Variants in DPYD observed in about 807,000 individuals in gnomAD.
DPYD encodes the protein dihydropyrimidine dehydrogenase [NADP(+)].
In DPYD, 109 loss-of-function variants were observed where a neutral mutation model predicts 116.2. The ratio of observed to expected loss-of-function variants is 0.94; its 90% CI spans 0.80 to 1.10. The LOEUF is 1.10. DPYD is among the 50% of genes least tolerant of loss of function. The pLI, the probability that DPYD is intolerant of heterozygous loss-of-function variation, is 0.00. For synonymous variants in DPYD, 440 were observed against 432.0 expected (o/e 1.02, Z -0.23); for missense variants, 1,302 against 1,254.5 (o/e 1.04, Z -0.57).
chr1:97,536,424 T>C (rs1650003194), intron 12 of DPYD, among the ~76,000 whole-genome samples: 1 of 152,196 alleles, frequency 6.6e-6, no homozygotes, highest in Non-Finnish European at 1.5e-5. Context: ...TTTCAGTAAG[T>C]CTCAAGATTT....
intron 18 of DPYD, among the ~76,000 whole-genome samples, chr1:97,291,387 C>T (rs1175308655): frequency 5.9e-5 from 9 of 151,782 alleles, no homozygotes; most frequent in East Asian, 3.9e-4. Flanking sequence ...CACATGCACA[C>T]GTATGTTTAT....
At chr1:97,879,000 A>G (rs1166843834) in intron 2 of DPYD, among the ~76,000 whole-genome samples, 1 of 152,008 alleles carries the variant, frequency 6.6e-6, no homozygotes, top group African/African-American at 2.4e-5. Context: ...GTCTACAAGG[A>G]AAATAAGTCA....
intron 13 of DPYD, among the ~76,000 whole-genome samples, chr1:97,497,529 C>T (rs2786775): frequency 6.6e-6 from 1 of 151,648 alleles, no homozygotes; most frequent in Non-Finnish European, 1.5e-5. Context: ...CCAGTTGCCA[C>T]AATGATTGTT....
At chr1:97,729,161 C>T (rs962988796) in intron 4 of DPYD, among the ~76,000 whole-genome samples, 1 of 151,952 alleles carries the variant, frequency 6.6e-6, no homozygotes, top group African/African-American at 2.4e-5. Context: ...TTTTATTGAT[C>T]CTGAGATATT....
At chr1:97,570,679 G>T (rs1395755929) in intron 11 of DPYD, among the ~76,000 whole-genome samples, 1 of 151,676 alleles carries the variant, frequency 6.6e-6, no homozygotes, top group African/African-American at 2.4e-5. Flanking sequence ...TAGTGAATTT[G>T]AGAAAAGATC....
At chr1:97,295,107 C>A (rs1666440448) in intron 18 of DPYD, among the ~76,000 whole-genome samples, 1 of 152,068 alleles carries the variant, frequency 6.6e-6, no homozygotes, top group Admixed American at 6.6e-5. Context: ...TATGACATAT[C>A]CTGGTTATGT....
chr1:97,345,995 T>C (rs1669821334), intron 16 of DPYD, among the ~76,000 whole-genome samples: 1 of 151,924 alleles, frequency 6.6e-6, no homozygotes. Context: ...TTATAATACA[T>C]ATATTAGGTA....
At chr1:97,800,816 T>A (rs1343185514) in intron 3 of DPYD, among the ~76,000 whole-genome samples, 1 of 151,832 alleles carries the variant, frequency 6.6e-6, no homozygotes, top group Non-Finnish European at 1.5e-5. Flanking sequence ...TTCTGTAGAG[T>A]CAAATGCTTT....
intron 13 of DPYD, among the ~76,000 whole-genome samples, chr1:97,471,547 G>A (rs988244902): frequency 1.3e-5 from 2 of 150,742 alleles, no homozygotes; most frequent in African/African-American, 2.4e-5. Context: ...AGACAGAAAT[G>A]AGTATTTTCA....
At chr1:97,476,837 TCA>T (rs1300471513) in intron 13 of DPYD, among the ~76,000 whole-genome samples, 1 of 152,178 alleles carries the variant, frequency 6.6e-6, no homozygotes, top group Non-Finnish European at 1.5e-5. Flanking sequence ...ATAAAGTGAA[TCA>T]CACAATTATT....
chr1:97,880,275 T>C (rs773823295), intron 2 of DPYD, among the ~76,000 whole-genome samples: 5 of 151,690 alleles, frequency 3.3e-5, no homozygotes, highest in Non-Finnish European at 5.9e-5. Context: ...GAGATGTCAG[T>C]GAGGTAAGAA....
chr1:97,853,569 TGAA>T (rs1670670535), intron 2 of DPYD, among the ~76,000 whole-genome samples: 1 of 152,238 alleles, frequency 6.6e-6, no homozygotes, highest in African/African-American at 2.4e-5. Context: ...ATTACCCAAA[TGAA>T]GATTTTCAGT....
intron 20 of DPYD, among the ~76,000 whole-genome samples, chr1:97,126,615 C>T (rs906238542): frequency 1.3e-5 from 2 of 152,178 alleles, no homozygotes; most frequent in Non-Finnish European, 2.9e-5. Flanking sequence ...ACTTCTATCA[C>T]ATCTGAGATT....
intron 16 of DPYD, among the ~76,000 whole-genome samples, chr1:97,367,917 G>A (rs1178534480): frequency 6.6e-6 from 1 of 152,072 alleles, no homozygotes; most frequent in Non-Finnish European, 1.5e-5. Context: ...ATGTGAGTAT[G>A]CACTGGGTTT....
In DPYD at chr1:97,899,341, G is replaced by C. The variant is rs74699330; in HGVS notation, c.40-15967C>G. ...CTTCACATGTTGTCACACATCATTT[G>C]CTGGAAGAATTAAATGTGTGCCATG... On this transcript the variant is annotated intron_variant, in intron 1 of 22. Transcript: ENST00000370192. 5.9e-3 allele frequency among the ~76,000 whole-genome samples: 899 copies of C among 151,958 alleles called. 3 individuals are homozygous for C. The highest frequency in any genetic ancestry group is 8.5e-3 in the Non-Finnish European group (575 of 67,880).
chr1:97,114,963 T>C (rs1470969789), intron 20 of DPYD, among the ~76,000 whole-genome samples: 2 of 152,218 alleles, frequency 1.3e-5, no homozygotes, highest in African/African-American at 2.4e-5. Context: ...TCTGATCGCA[T>C]AGGATTTACT....
At position 97,216,263 on chromosome 1, in the gene DPYD, C is replaced by T. The variant is rs549656088; in HGVS notation, c.2442+18589G>A. Among the ~76,000 whole-genome samples, 10 of 148,504 alleles carry T rather than the reference C, an allele frequency of 6.7e-5. No individual in the cohort carries two copies. The East Asian group carries it at 1.8e-3, about 27-fold the overall frequency. ...AAACCACATATATGATGCACAGATA[C>T]ATAGTTTGAGAGAGCCAAGCTTTCG... On this transcript the variant is annotated intron_variant, in intron 19 of 22. Coordinates refer to ENST00000370192, the MANE Select transcript of DPYD (RefSeq NM_000110.4).
In DPYD at chr1:97,206,652, A is replaced by G. The variant is rs1343955451; in HGVS notation, c.2443-13404T>C. Among the ~76,000 whole-genome samples, 682 of 68,448 alleles carry G rather than the reference A, an allele frequency of 1.0e-2. 21 individuals are homozygous for G. The highest frequency in any genetic ancestry group is 0.081 in the African/African-American group (655 of 8,096). 44.9% of individuals were successfully genotyped at this position (68,448 alleles called of 152,430 possible). On this transcript the variant is annotated intron_variant, in intron 19 of 22. Transcript: ENST00000370192. Reference sequence around the variant, plus strand: ...ACAGGGAGATTTTATATATATATATATATATATATATATATATATATATAT... The same window carrying G: ...ACAGGGAGATTTTATATATATATATGTATATATATATATATATATATATAT...
At position 97,685,503 on chromosome 1, in the gene DPYD, CA is replaced by C. The variant is rs371763546; in HGVS notation, c.762+6213del. Among the ~76,000 whole-genome samples the C allele has an allele frequency of 3.6e-3, 542 of 152,174 alleles. 5 individuals carry two copies. Among genetic ancestry groups the C allele is most frequent in the African/African-American group, 0.012 (501 of 41,510 alleles). On this transcript the variant is annotated intron_variant, in intron 7 of 22. Coordinates refer to ENST00000370192, the MANE Select transcript of DPYD (RefSeq NM_000110.4). The stretch of plus-strand genomic sequence containing the variant: ...GGAAGCTCTGGCCAGGGCAATCAGG[CA>C]AAAGACAGAAATAAAGAGTATTCAA...
Sources: gnomAD v4.1 joint callset for allele counts (sites outside exome capture counted in the v4.1 genomes callset) on GRCh38, gnomAD v4.1.1 for gene constraint, MANE v1.5 for transcripts, NCBI Gene and HGNC (gene_info 2026-07-23, HGNC 2026-07-21) for gene names.